The following EFHC2 variants were observed in gnomAD, a reference collection of about 807,000 sequenced individuals.
The protein encoded by EFHC2 is EF-hand domain-containing family member C2.
A neutral mutation model predicts 52.7 loss-of-function variants in EFHC2; 18 were observed. That is an observed-to-expected ratio of 0.34 (90% CI 0.24 to 0.51). EFHC2 has a LOEUF of 0.51. Ranked by LOEUF, EFHC2 falls within the 20% of genes least tolerant of loss-of-function variation. The pLI is 0.97. For synonymous variants in EFHC2, 203 were observed against 204.1 expected, an observed-to-expected ratio of 0.99 and a Z score of 0.04; for missense variants, 513 against 562.5, an observed-to-expected ratio of 0.91 and a Z score of 0.89.
intron 1 of EFHC2, among the ~76,000 whole-genome samples, chrX:44,327,147 T>G (rs1176501512): frequency 8.9e-6 from 1 of 111,940 alleles, no homozygotes; most frequent in Non-Finnish European, 1.9e-5. Flanking sequence ...GGGCCTCATA[T>G]TCTTTGTGCT....
chrX:44,332,663 G>A (rs1004188863), intron 1 of EFHC2, among the ~76,000 whole-genome samples: 1 of 111,251 alleles, frequency 9.0e-6, no homozygotes, highest in African/African-American at 3.3e-5. Context: ...CTACTGAGGG[G>A]AGAATGGTCT....
intron 2 of EFHC2, among the ~76,000 whole-genome samples, chrX:44,303,633 T>TAA (rs202203848): frequency 1.1e-5 from 1 of 91,188 alleles, no homozygotes; most frequent in Non-Finnish European, 2.2e-5. Context: ...TTGTTTAATC[T>TAA]AAAAAAAAAA....
chrX:44,306,667 T>A (rs2037907817), intron 2 of EFHC2, among the ~76,000 whole-genome samples: 3 of 112,121 alleles, frequency 2.7e-5, no homozygotes, highest in African/African-American at 9.7e-5. Context: ...CAAAAGGCAT[T>A]TTCTCTGCTT....
chrX:44,199,284 C>G (rs1224845767), intron 11 of EFHC2, among the ~76,000 whole-genome samples: 1 of 113,061 alleles, frequency 8.8e-6, no homozygotes, highest in Non-Finnish European at 1.9e-5. Context: ...ATGCCAGCTC[C>G]CCACTTTGCT....
In EFHC2 at chrX:44,261,158, T is replaced by C. The variant is rs756903583; in HGVS notation, c.523A>G (p.Arg175Gly). ...ACCCCTATTTTCCTCAAAAAGTTTC[T>C]TGTGAATGCATCACAGTCATAAATC... ...FKIYDCDAFT[R>G]NFLRKIGVKV... The change falls in exon 4 of 15, where the codon AGA (arginine) becomes GGA (glycine). Residue 175 changes from arginine (R) to glycine (G), a missense_variant. Arg to Gly is a moderately radical substitution (Grantham distance 125). Coordinates refer to ENST00000420999, the MANE Select transcript of EFHC2 (RefSeq NM_025184.4). The C allele has an allele frequency of 2.6e-5, 31 of 1,209,673 alleles. No individual in the cohort carries two copies. Among genetic ancestry groups the C allele is most frequent in the Non-Finnish European group, 3.2e-5 (29 of 894,856 alleles).
intron 2 of EFHC2, 42 bp downstream of exon 2, chrX:44,312,526 A>G: frequency 9.5e-7 from 1 of 1,047,781 alleles, no homozygotes; most frequent in Non-Finnish European, 1.3e-6. Flanking sequence ...TAGCATCTGT[A>G]AAATGCTAAG....
chrX:44,343,162 G>A (rs1477524561), intron 1 of EFHC2, among the ~76,000 whole-genome samples: 1 of 110,815 alleles, frequency 9.0e-6, no homozygotes, highest in Non-Finnish European at 1.9e-5. Context: ...GTGTGGTTCT[G>A]TGCCTCAGTT....
chrX:44,218,179 G>A (rs972847001), intron 11 of EFHC2, among the ~76,000 whole-genome samples: 5 of 111,163 alleles, frequency 4.5e-5, no homozygotes, highest in African/African-American at 1.6e-4. Flanking sequence ...TTGGTATCCA[G>A]CATTCCTCAG....
rs1189613377 is a variant in EFHC2 at position 44,250,343 on chromosome X, C to T, written c.709G>A (p.Asp237Asn). ...TCTCCAAACATTGAGACTGAGTCAT[C>T]CCACAGGCAGAAGAAACACAAAATC... is the stretch of plus-strand genomic sequence containing the variant. ...GKILCFFCLW[D>N]DSVSMFGDRR... is the part of the protein sequence containing the mutation. The change falls in exon 5 of 15, where the codon GAT becomes AAT. Residue 237 changes from aspartate to asparagine, a missense_variant. Coordinates refer to ENST00000420999, the MANE Select transcript of EFHC2 (RefSeq NM_025184.4). The T allele has an allele frequency of 8.3e-7, 1 of 1,211,042 alleles. No individual in the cohort carries two copies. Among genetic ancestry groups the T allele is most frequent in the South Asian group, 1.8e-5 (1 of 56,885 alleles).
intron 14 of EFHC2, among the ~76,000 whole-genome samples, chrX:44,153,118 A>T (rs1435073163): frequency 1.8e-5 from 2 of 112,136 alleles, no homozygotes; most frequent in Non-Finnish European, 3.8e-5. Context: ...TTGAGCAAGG[A>T]ATTGTGATTT....
chrX:44,243,683 G>C (rs2037377891), intron 7 of EFHC2, among the ~76,000 whole-genome samples: 1 of 112,009 alleles, frequency 8.9e-6, no homozygotes, highest in African/African-American at 3.2e-5. Flanking sequence ...TCCTAACAGA[G>C]ACTGCTTACA....
At chrX:44,237,399 C>T (rs1161168801) in intron 8 of EFHC2, among the ~76,000 whole-genome samples, 1 of 111,762 alleles carries the variant, frequency 8.9e-6, no homozygotes, top group Non-Finnish European at 1.9e-5. Flanking sequence ...ATTGTAAGGC[C>T]ACACCCAATT....
At chrX:44,295,734 C>A (rs1294907852) in intron 2 of EFHC2, among the ~76,000 whole-genome samples, 1 of 110,871 alleles carries the variant, frequency 9.0e-6, no homozygotes, top group Non-Finnish European at 1.9e-5. Flanking sequence ...CTTAGGTCAA[C>A]TGATCAGTGT....
At chrX:44,331,013 C>T (rs190992186) in intron 1 of EFHC2, among the ~76,000 whole-genome samples, 113 of 112,126 alleles carry the variant, frequency 1.0e-3, no homozygotes, top group African/African-American at 3.5e-3. Flanking sequence ...TCAAATAACA[C>T]GCAATTACAC....
At chrX:44,333,660 G>C (rs566767518) in intron 1 of EFHC2, among the ~76,000 whole-genome samples, 3 of 110,296 alleles carry the variant, frequency 2.7e-5, no homozygotes, top group South Asian at 7.9e-4. Flanking sequence ...GACAAAGTTT[G>C]TTGGCCACTA....
chrX:44,256,446 C>G (rs940377654), intron 4 of EFHC2, among the ~76,000 whole-genome samples: 1 of 111,363 alleles, frequency 9.0e-6, no homozygotes, highest in Admixed American at 9.5e-5. Context: ...CAATAAAAAA[C>G]GATAAACAGG....
At chrX:44,198,057 G>A (rs2036978818) in intron 11 of EFHC2, among the ~76,000 whole-genome samples, 1 of 111,738 alleles carries the variant, frequency 8.9e-6, no homozygotes, top group Admixed American at 9.5e-5. Context: ...CAGACCATTA[G>A]AACACTGTAT....
intron 2 of EFHC2, among the ~76,000 whole-genome samples, chrX:44,304,909 C>T (rs1361725092): frequency 1.8e-5 from 2 of 109,967 alleles, no homozygotes; most frequent in Non-Finnish European, 3.8e-5. Flanking sequence ...CCTGGATACT[C>T]AATGGTAGCA....
intron 13 of EFHC2, among the ~76,000 whole-genome samples, chrX:44,168,185 C>T (rs2036712447): frequency 1.8e-5 from 2 of 111,154 alleles, no homozygotes; most frequent in Non-Finnish European, 3.8e-5. Context: ...CTCCAGGTGC[C>T]AATAAAGGCA....
Sources: gnomAD v4.1 joint callset for allele counts (sites outside exome capture counted in the v4.1 genomes callset) on GRCh38, gnomAD v4.1.1 for gene constraint, MANE v1.5 for transcripts, NCBI Gene and HGNC (gene_info 2026-07-23, HGNC 2026-07-21) for gene names.